Variants in SPOPL observed in about 807,000 individuals in gnomAD.
SPOPL encodes the protein speckle type BTB/POZ protein like, also known as speckle-type POZ protein-like.
In SPOPL, 23 loss-of-function variants were observed where a neutral mutation model predicts 53.8. The ratio of observed to expected loss-of-function variants is 0.43; its 90% confidence interval spans 0.31 to 0.61. The LOEUF (loss-of-function observed/expected upper bound fraction) is 0.61. SPOPL is among the 20% of genes least tolerant of loss of function. The pLI is 0.12. For synonymous variants in SPOPL, 164 were observed against 149.7 expected, an observed-to-expected ratio of 1.10 and a Z score of -0.70; for missense variants, 442 against 466.9, an observed-to-expected ratio of 0.95 and a Z score of 0.49.
rs1006417192 is a variant in SPOPL at position 138,532,135 on chromosome 2, C to T, written c.-60-18022C>T. On this transcript the variant is annotated intron_variant, in intron 1 of 10. Coordinates refer to ENST00000280098, the MANE Select transcript of SPOPL (RefSeq NM_001001664.3). Reference sequence around the variant, plus strand: ...TCCTTGTCTTGTTTGCAGTATAAGACGTCTGAAAACTTTGCCTCTTGGCTT... The same window carrying T: ...TCCTTGTCTTGTTTGCAGTATAAGATGTCTGAAAACTTTGCCTCTTGGCTT... Among the ~76,000 whole-genome samples, 15 of 152,278 alleles carry T rather than the reference C, an allele frequency of 9.9e-5. No homozygotes were observed. The East Asian group carries it at 1.7e-3, about 18-fold the overall frequency.
At chr2:138,558,949 T>G in intron 5 of SPOPL, 73 bp from the exon 6 acceptor site, 1 of 1,277,312 alleles carries the variant, frequency 7.8e-7, no homozygotes, top group South Asian at 1.9e-5. Context: ...CATAAAAAAT[T>G]GAAGTATGGA....
In SPOPL at chr2:138,560,850, A is replaced by G. The variant is rs774071344; in HGVS notation, c.760A>G (p.Met254Val). Residue 254 changes from methionine to valine, a missense_variant, in exon 8 of 11, where the codon ATG (methionine) becomes GTG (valine). Transcript: ENST00000280098. ...NDLDPEVFKE[M>V]MRFIYTGRAP... ...TTTAGACCCTGAAGTTTTTAAAGAA[A>G]TGATGAGATTCATTTACACAGGGAG... 15 of 1,610,048 alleles carry G rather than the reference A, an allele frequency of 9.3e-6. No homozygotes were observed. In the African/African-American group the frequency reaches 1.3e-4, roughly 14 times the overall value.
chr2:138,512,687 T>C (rs754476865), intron 1 of SPOPL, among the ~76,000 whole-genome samples: 1 of 152,246 alleles, frequency 6.6e-6, no homozygotes, highest in Admixed American at 6.5e-5. Flanking sequence ...TTTGAACTTC[T>C]TGCTTTTTCC....
At chr2:138,547,000 C>G (rs1482354006) in intron 1 of SPOPL, among the ~76,000 whole-genome samples, 1 of 152,170 alleles carries the variant, frequency 6.6e-6, no homozygotes, top group African/African-American at 2.4e-5. Context: ...GAGTCTCACT[C>G]TGTTGCCCAG....
intron 1 of SPOPL, among the ~76,000 whole-genome samples, chr2:138,525,800 T>A (rs1371415995): frequency 6.6e-6 from 1 of 150,868 alleles, no homozygotes; most frequent in African/African-American, 2.4e-5. Context: ...ACTGTGCCAC[T>A]GCACTCCAGT....
intron 10 of SPOPL, among the ~76,000 whole-genome samples, chr2:138,565,616 C>T (rs564298012): frequency 6.6e-6 from 1 of 152,154 alleles, no homozygotes; most frequent in South Asian, 2.1e-4. Flanking sequence ...TATTTGAAAT[C>T]ACAATGGGGA....
intron 7 of SPOPL, among the ~76,000 whole-genome samples, chr2:138,559,812 T>C (rs1685506327): frequency 6.6e-6 from 1 of 152,210 alleles, no homozygotes. Flanking sequence ...CATCATGAAA[T>C]GTAATTATGT....
At chr2:138,551,670 C>G (rs1423936970) in intron 4 of SPOPL, among the ~76,000 whole-genome samples, 2 of 151,926 alleles carry the variant, frequency 1.3e-5, no homozygotes, top group Non-Finnish European at 2.9e-5. Flanking sequence ...AATCAAGTAA[C>G]TTGATTACAG....
chr2:138,534,619 A>G (rs1684887981), intron 1 of SPOPL, among the ~76,000 whole-genome samples: 1 of 152,176 alleles, frequency 6.6e-6, no homozygotes, highest in Non-Finnish European at 1.5e-5. Context: ...TTCATATAAC[A>G]TAAAATCTAT....
chr2:138,554,527 T>C, intron 5 of SPOPL: 1 of 1,285,052 alleles, frequency 7.8e-7, no homozygotes. Context: ...CAAGTGGTGC[T>C]GTAGACAGGT....
rs371493580 is a variant in SPOPL at position 138,559,088 on chromosome 2, G to C, written c.547G>C (p.Glu183Gln). The change falls in exon 6 of 11, where the codon GAG (glutamate) becomes CAG (glutamine). Residue 183 changes from glutamate to glutamine, a missense_variant. By Grantham distance (29) the Glu-to-Gln change is conservative (BLOSUM62 2). Transcript: ENST00000280098. ...HTNTNTLKVP[E>Q]CRLAEDLGNL... is the part of the protein sequence containing the mutation. ...TAATACAAATACTTTGAAGGTGCCTGAGTGTCGTCTAGCAGAAGATTTAGG... is the reference window on the plus strand; with the variant it reads ...TAATACAAATACTTTGAAGGTGCCTCAGTGTCGTCTAGCAGAAGATTTAGG... 1.9e-6 allele frequency: 3 copies of C among 1,613,684 alleles called. No individual in the cohort carries two copies. The highest frequency in any genetic ancestry group is 2.2e-5 in the East Asian group (1 of 44,826).
chr2:138,529,559 T>C (rs115290969), intron 1 of SPOPL, among the ~76,000 whole-genome samples: 1,638 of 151,066 alleles, frequency 0.011, 33 homozygotes, highest in African/African-American at 0.038. Flanking sequence ...CGCTTCTGCA[T>C]TCTCCTTTTT....
intron 10 of SPOPL, among the ~76,000 whole-genome samples, chr2:138,566,371 A>T (rs1558883074): frequency 1.3e-5 from 2 of 152,316 alleles, no homozygotes; most frequent in East Asian, 3.9e-4. Context: ...GAAATACTTC[A>T]CATTTTATAA....
chr2:138,508,860 T>C (rs1440578899), intron 1 of SPOPL, among the ~76,000 whole-genome samples: 1 of 152,172 alleles, frequency 6.6e-6, no homozygotes, highest in East Asian at 1.9e-4. Flanking sequence ...ATGTCTTATA[T>C]AACAACTGTG....
chr2:138,557,921 G>A (rs904251270), intron 5 of SPOPL, among the ~76,000 whole-genome samples: 1 of 152,158 alleles, frequency 6.6e-6, no homozygotes, highest in Non-Finnish European at 1.5e-5. Context: ...CACTTTGGGA[G>A]GTCAAGGCAG....
intron 1 of SPOPL, among the ~76,000 whole-genome samples, chr2:138,517,664 C>G (rs1184792250): frequency 6.6e-6 from 1 of 151,100 alleles, no homozygotes; most frequent in African/African-American, 2.4e-5. Flanking sequence ...GGCGTGAACC[C>G]AGGAGGTGAG....
rs143519550 is a variant in SPOPL, at chr2:138,524,627, G to T, written c.-61+22508G>T. Among the ~76,000 whole-genome samples, 735 of 152,284 alleles carry T rather than the reference G, an allele frequency of 4.8e-3. 3 individuals carry two copies. The highest frequency in any genetic ancestry group is 0.015 in the African/African-American group (640 of 41,564). ...TGCTGCTTAGAAATTTTTTCCACCA[G>T]ATACCCTAAGTCATCTCTCTCAACT... is the stretch of plus-strand genomic sequence containing the variant. On this transcript the variant is annotated intron_variant, in intron 1 of 10. Coordinates refer to ENST00000280098, the MANE Select transcript of SPOPL (RefSeq NM_001001664.3).
chr2:138,542,769 C>G (rs139969547), intron 1 of SPOPL, among the ~76,000 whole-genome samples: 1,655 of 152,202 alleles, frequency 0.011, 34 homozygotes, highest in African/African-American at 0.038. Context: ...TGAATTTAAT[C>G]CTGTCATTAT....
Position 138,564,711 on chromosome 2 carries a change from G to T in SPOPL, c.841G>T (p.Ala281Ser). 1 of 1,614,044 alleles carries T rather than the reference G, an allele frequency of 6.2e-7. No individual in the cohort carries two copies. The highest frequency in any genetic ancestry group is 8.5e-7 in the Non-Finnish European group (1 of 1,179,970). ...GTTATGTTTTCATTTTGGATAGTAT[G>T]CACTGGAACGGCTGAAGGTCATGTG... Reference protein sequence around the residue: ...DNLLAAADKYALERLKVMCEE... With the variant: ...DNLLAAADKYSLERLKVMCEE... Residue 281 changes from alanine to serine, a missense_variant, in exon 9 of 11, where the codon GCA (alanine) becomes TCA (serine). Physicochemically the swap from Ala to Ser is moderately conservative, Grantham distance 99. Transcript: ENST00000280098.
Sources: allele counts gnomAD v4.1 joint callset (sites outside exome capture counted in the v4.1 genomes callset), GRCh38; gene constraint gnomAD v4.1.1; transcripts MANE v1.5; gene names NCBI Gene and HGNC (gene_info 2026-07-23, HGNC 2026-07-21).